CERS3: variants seen among roughly 807,000 people sequenced by gnomAD.
CERS3 encodes the protein LAG1 homolog, ceramide synthase 3.
In CERS3, 33 loss-of-function variants were observed where a neutral mutation model predicts 50.3. That is an observed-to-expected ratio of 0.66 (90% CI 0.50 to 0.88). The LOEUF (loss-of-function observed/expected upper bound fraction) is 0.88. CERS3 is among the 40% of genes least tolerant of loss of function. The pLI, the probability that CERS3 is intolerant of heterozygous loss-of-function variation, is 0.00. For synonymous variants in CERS3, 176 were observed against 155.2 expected (o/e 1.13, Z -0.99); for missense variants, 470 against 460.3 (o/e 1.02, Z -0.19).
chr15:100,506,592 T>C (rs2036191559), intron 2 of CERS3, among the ~76,000 whole-genome samples: 1 of 152,268 alleles, frequency 6.6e-6, no homozygotes, highest in South Asian at 2.1e-4. Context: ...GACTTTGTAA[T>C]TCTACTCCTA....
intron 11 of CERS3, among the ~76,000 whole-genome samples, chr15:100,451,631 T>A (rs1258990640): frequency 6.6e-6 from 1 of 152,058 alleles, no homozygotes; most frequent in Non-Finnish European, 1.5e-5. Flanking sequence ...GGCGTGAACC[T>A]GGGAGGCGGA....
At chr15:100,543,504 C>T (rs78871428) in intron 1 of CERS3, among the ~76,000 whole-genome samples, 4 of 121,196 alleles carry the variant, frequency 3.3e-5, no homozygotes, top group East Asian at 2.8e-4. Flanking sequence ...CCTTCCTTCC[C>T]TCCCTTCCTC....
chr15:100,541,956 T>G (rs2037212873), intron 1 of CERS3, among the ~76,000 whole-genome samples: 1 of 152,224 alleles, frequency 6.6e-6, no homozygotes, highest in Admixed American at 6.5e-5. Flanking sequence ...TACAATTAAA[T>G]GTCTGGAGTA....
At chr15:100,472,222 G>T (rs1468160321) in intron 9 of CERS3, among the ~76,000 whole-genome samples, 1 of 152,146 alleles carries the variant, frequency 6.6e-6, no homozygotes. Context: ...GCAGTTCTGG[G>T]AACTGTTGCT....
chr15:100,466,614 C>A (rs189155430), intron 10 of CERS3, among the ~76,000 whole-genome samples: 5 of 151,800 alleles, frequency 3.3e-5, no homozygotes, highest in Non-Finnish European at 5.9e-5. Context: ...AGGTGCCATG[C>A]GATGAGGAGG....
At chr15:100,490,613 A>G (rs191707598) in intron 4 of CERS3, among the ~76,000 whole-genome samples, 13 of 152,308 alleles carry the variant, frequency 8.5e-5, no homozygotes, top group African/African-American at 3.1e-4. Context: ...AACTGTTAAT[A>G]TTTGTTATTT....
At chr15:100,441,793 A>G (rs970972970) in intron 11 of CERS3, among the ~76,000 whole-genome samples, 7 of 125,526 alleles carry the variant, frequency 5.6e-5, no homozygotes, top group Non-Finnish European at 1.2e-4. Context: ...ATTCTTTTAC[A>G]CATCAGTCCC....
intron 10 of CERS3, among the ~76,000 whole-genome samples, chr15:100,461,119 T>G (rs1478102474): frequency 6.6e-6 from 1 of 151,970 alleles, no homozygotes; most frequent in Non-Finnish European, 1.5e-5. Context: ...GCTTGGCTGG[T>G]TTTAGAAAGA....
chr15:100,457,799 A>G (rs1422982878), intron 10 of CERS3, among the ~76,000 whole-genome samples: 1 of 152,212 alleles, frequency 6.6e-6, no homozygotes, highest in African/African-American at 2.4e-5. Flanking sequence ...TGAGAATGTC[A>G]GTTGTTCTAT....
chr15:100,518,089 A>G (rs1047516762), intron 2 of CERS3, among the ~76,000 whole-genome samples: 24 of 152,240 alleles, frequency 1.6e-4, no homozygotes, highest in African/African-American at 5.5e-4. Context: ...ACTCACCAAG[A>G]GAAAATAAAT....
chr15:100,492,414 A>G (rs1298166553), intron 3 of CERS3, among the ~76,000 whole-genome samples: 1 of 152,166 alleles, frequency 6.6e-6, no homozygotes, highest in East Asian at 1.9e-4. Context: ...TACAATTGTT[A>G]TATCATCTGG....
intron 11 of CERS3, among the ~76,000 whole-genome samples, chr15:100,415,540 C>T (rs897156680): frequency 3.4e-4 from 52 of 151,984 alleles, no homozygotes; most frequent in African/African-American, 1.1e-3. Flanking sequence ...GTTGGAACAC[C>T]CAAATGCCCA....
At chr15:100,530,504 CG>C (rs1197456299), upstream of CERS3, among the ~76,000 whole-genome samples, 1 of 152,216 alleles carries the variant, frequency 6.6e-6, no homozygotes, top group Non-Finnish European at 1.5e-5. Context: ...TCCCTAGCCT[CG>C]GCCCTCTCTG....
At chr15:100,483,746 C>A (rs898293844) in intron 5 of CERS3, among the ~76,000 whole-genome samples, 1 of 148,396 alleles carries the variant, frequency 6.7e-6, no homozygotes, top group East Asian at 2.0e-4. Context: ...TGTCTCACAT[C>A]ATTGGCAGAA....
At position 100,420,209 on chromosome 15, in the gene CERS3, G is replaced by C. The variant is rs932793378; in HGVS notation, c.1000-17344C>G. ...CAAGACTAATAAAGAAAAAAAGAGAGAAGAATCAAATAGACGCAATAAAAA... is the reference window on the plus strand; with the variant it reads ...CAAGACTAATAAAGAAAAAAAGAGACAAGAATCAAATAGACGCAATAAAAA... On this transcript the variant is annotated intron_variant, in intron 11 of 11. Coordinates refer to ENST00000679737, the MANE Select transcript of CERS3 (RefSeq NM_001378789.1). Among the ~76,000 whole-genome samples, 109 of 144,378 alleles carry C rather than the reference G, an allele frequency of 7.5e-4. 1 individual carries two copies. Among genetic ancestry groups the C allele is most frequent in the African/African-American group, 2.6e-3 (101 of 39,104 alleles). The allele number at this position is 144,378 out of a possible 152,430, so 94.7% of individuals were successfully genotyped here.
chr15:100,435,597 G>A lies in CERS3; in HGVS notation c.999+20296C>T, dbSNP rs1175356026. Among the ~76,000 whole-genome samples the A allele has an allele frequency of 3.3e-5, 5 of 152,114 alleles. No homozygotes were observed. In the East Asian group the frequency reaches 9.6e-4, roughly 29 times the overall value. On this transcript the variant is annotated intron_variant, in intron 11 of 11. Transcript: ENST00000679737. ...TCATGACTAAAACACCAAAAGCAATGGCAACAAAAGCCAGAATTGACAAAT... is the reference window on the plus strand; with the variant it reads ...TCATGACTAAAACACCAAAAGCAATAGCAACAAAAGCCAGAATTGACAAAT...
chr15:100,434,191 G>A lies in CERS3; in HGVS notation c.999+21702C>T, dbSNP rs145294343. Among the ~76,000 whole-genome samples, 160 of 152,358 alleles carry A rather than the reference G, an allele frequency of 1.1e-3. 4 individuals are homozygous for A. In the East Asian group the frequency reaches 0.03, roughly 28 times the overall value. ...AGTTGCATGGAGGAATCTTGAGGCC[G>A]AGGCCCATTGGAAAGGACAGGCATT... On this transcript the variant is annotated intron_variant, in intron 11 of 11. Transcript: ENST00000679737.
chr15:100,471,804 G>T (rs999539194), intron 9 of CERS3, among the ~76,000 whole-genome samples: 1 of 152,176 alleles, frequency 6.6e-6, no homozygotes, highest in Non-Finnish European at 1.5e-5. Context: ...GTACGCAGAG[G>T]ATATTTTAAT....
Position 100,468,061 on chromosome 15 carries a change from A to G in CERS3, c.845+1317T>C, listed in dbSNP as rs566046604. Among the ~76,000 whole-genome samples, 26 of 152,018 alleles carry G rather than the reference A, an allele frequency of 1.7e-4. No homozygotes were observed. The South Asian group carries it at 2.5e-3, about 15-fold the overall frequency. On this transcript the variant is annotated intron_variant, in intron 10 of 11. Coordinates refer to ENST00000679737, the MANE Select transcript of CERS3 (RefSeq NM_001378789.1). ...TTTCACAAACACACTTGCTCAGTCA[A>G]AGTAAAAGTGATGGTAATGATTTAT... is the stretch of plus-strand genomic sequence containing the variant.
Sources: gnomAD v4.1 joint callset for allele counts (sites outside exome capture counted in the v4.1 genomes callset) on GRCh38, gnomAD v4.1.1 for gene constraint, MANE v1.5 for transcripts, NCBI Gene and HGNC (gene_info 2026-07-23, HGNC 2026-07-21) for gene names.